The following GLDN variants were observed in gnomAD, a reference collection of about 807,000 sequenced individuals.
GLDN encodes collomin.
A neutral mutation model predicts 56.5 loss-of-function variants in GLDN; 47 were observed. The ratio of observed to expected loss-of-function variants is 0.83; its 90% CI spans 0.66 to 1.06. The LOEUF (loss-of-function observed/expected upper bound fraction) is 1.06. Ranked by LOEUF, GLDN falls within the 50% of genes least tolerant of loss-of-function variation. GLDN has a pLI of 0.00. For missense variants in GLDN, 782 were observed against 714.3 expected (o/e 1.09, Z -1.08); for synonymous variants, 332 against 278.8 (o/e 1.19, Z -1.90).
At chr15:51,391,522 G>T (rs940816219) in intron 4 of GLDN, among the ~76,000 whole-genome samples, 1 of 152,140 alleles carries the variant, frequency 6.6e-6, no homozygotes, top group Admixed American at 6.5e-5. Context: ...CAATGCCCTC[G>T]TTTTTTGTCT....
At chr15:51,397,063 A>G (rs1376367282) in intron 5 of GLDN, among the ~76,000 whole-genome samples, 2 of 152,148 alleles carry the variant, frequency 1.3e-5, no homozygotes, top group Non-Finnish European at 2.9e-5. Context: ...ATGAACCCCA[A>G]TTGAAAAGAC....
intron 4 of GLDN, among the ~76,000 whole-genome samples, chr15:51,391,289 C>G (rs2038014788): frequency 6.6e-6 from 1 of 152,046 alleles, no homozygotes; most frequent in Non-Finnish European, 1.5e-5. Flanking sequence ...CACATATGGC[C>G]TTTCCGAGAA....
intron 4 of GLDN, chr15:51,384,185 G>A (rs2037838095): frequency 1.3e-5 from 5 of 394,994 alleles, no homozygotes; most frequent in Non-Finnish European, 2.3e-5. Flanking sequence ...CCCTGGGAGG[G>A]GCATTCTGTG....
At chr15:51,363,750 G>A (rs1470946626) in intron 1 of GLDN, among the ~76,000 whole-genome samples, 1 of 152,220 alleles carries the variant, frequency 6.6e-6, no homozygotes, top group Non-Finnish European at 1.5e-5. Flanking sequence ...GGATGGGAGA[G>A]GGGAATGCCC....
intron 9 of GLDN, among the ~76,000 whole-genome samples, chr15:51,402,091 C>G (rs2038266657): frequency 6.6e-6 from 1 of 152,178 alleles, no homozygotes; most frequent in Non-Finnish European, 1.5e-5. Flanking sequence ...TGCTGCTGCT[C>G]CCTGATAAAG....
intron 1 of GLDN, among the ~76,000 whole-genome samples, chr15:51,343,523 C>A (rs978981954): frequency 6.6e-6 from 1 of 152,184 alleles, no homozygotes; most frequent in Non-Finnish European, 1.5e-5. Flanking sequence ...CAACCTATTC[C>A]GTCACTAACA....
intron 4 of GLDN, among the ~76,000 whole-genome samples, chr15:51,394,448 A>G (rs1487717646): frequency 6.6e-6 from 1 of 152,162 alleles, no homozygotes; most frequent in Non-Finnish European, 1.5e-5. Context: ...CCCTGTCTCT[A>G]TTTAAAATAC....
chr15:51,389,642 C>T (rs114899798), intron 4 of GLDN, among the ~76,000 whole-genome samples: 1,705 of 152,078 alleles, frequency 0.011, 35 homozygotes, highest in African/African-American at 0.04. Flanking sequence ...AGTAGAGGAG[C>T]GGTGGGAAAG....
rs775233035 is a variant in GLDN, at chr15:51,404,766, C to A, written c.*12C>A. On this transcript the variant is annotated 3_prime_UTR_variant, in exon 10 of 10. Coordinates refer to ENST00000335449, the MANE Select transcript of GLDN (RefSeq NM_181789.4). Reference sequence around the variant, plus strand: ...CCTTAAATCAGTGATGTGCTGCATTCGGCTCCCTTCAGCAAATTTCAGGGG... The same window carrying A: ...CCTTAAATCAGTGATGTGCTGCATTAGGCTCCCTTCAGCAAATTTCAGGGG... The A allele has an allele frequency of 7.2e-7, 1 of 1,390,452 alleles. No homozygotes were observed. Among genetic ancestry groups the A allele is most frequent in the Non-Finnish European group, 1.0e-6 (1 of 990,254 alleles). The allele number at this position is 1,390,452 out of a possible 1,614,324, so 86.1% of individuals were successfully genotyped here.
At chr15:51,363,941 C>G (rs1351313346) in intron 1 of GLDN, among the ~76,000 whole-genome samples, 1 of 152,076 alleles carries the variant, frequency 6.6e-6, no homozygotes, top group African/African-American at 2.4e-5. Context: ...TGCATTGTCT[C>G]CATTGAAGAA....
intron 1 of GLDN, among the ~76,000 whole-genome samples, chr15:51,361,040 C>G (rs2037289829): frequency 6.6e-6 from 1 of 152,196 alleles, no homozygotes; most frequent in Admixed American, 6.5e-5. Flanking sequence ...AGATAAAAAT[C>G]AGAAAGTATC....
At chr15:51,391,701 T>C (rs908056245) in intron 4 of GLDN, among the ~76,000 whole-genome samples, 1 of 152,178 alleles carries the variant, frequency 6.6e-6, no homozygotes, top group African/African-American at 2.4e-5. Context: ...TTTGGTGCTA[T>C]TGTGAGGGAG....
At chr15:51,342,131 C>T in intron 1 of GLDN, 84 bp downstream of exon 1, 1 of 1,163,932 alleles carries the variant, frequency 8.6e-7, no homozygotes, top group Non-Finnish European at 1.1e-6. Context: ...GCCCTCTTCT[C>T]CCCTGGCCAG....
At chr15:51,365,291 A>G (rs886461131) in intron 1 of GLDN, among the ~76,000 whole-genome samples, 2 of 151,886 alleles carry the variant, frequency 1.3e-5, no homozygotes, top group Non-Finnish European at 2.9e-5. Flanking sequence ...AATTTTCTTT[A>G]TTTTTAATTG....
chr15:51,366,362 GTTGCTTGAAC>G (rs1454221364), intron 1 of GLDN, among the ~76,000 whole-genome samples: 1 of 152,226 alleles, frequency 6.6e-6, no homozygotes, highest in Non-Finnish European at 1.5e-5. Context: ...CTGAGTGGCG[GTTGCTTGAAC>G]TGAAGACTGG....
intron 6 of GLDN, 30 bp from the exon 7 acceptor site, chr15:51,400,162 C>T (rs772866267): frequency 3.8e-5 from 60 of 1,595,490 alleles, no homozygotes; most frequent in Middle Eastern, 1.7e-4. Flanking sequence ...CCAACCGTAT[C>T]GGCTCTGATG....
intron 2 of GLDN, among the ~76,000 whole-genome samples, chr15:51,381,928 C>T (rs2037771730): frequency 6.6e-6 from 1 of 152,252 alleles, no homozygotes; most frequent in South Asian, 2.1e-4. Context: ...GCCTAAGAAC[C>T]TCCCATGGCT....
At chr15:51,383,304 C>G in intron 2 of GLDN, 132 bp from the exon 3 acceptor site, 1 of 943,782 alleles carries the variant, frequency 1.1e-6, no homozygotes, top group Non-Finnish European at 1.6e-6. Context: ...CCAAATATAA[C>G]GAGTTCTAAA....
chr15:51,365,554 T>C (rs1163616200), intron 1 of GLDN, among the ~76,000 whole-genome samples: 1 of 152,214 alleles, frequency 6.6e-6, no homozygotes, highest in African/African-American at 2.4e-5. Context: ...TATTCCCATT[T>C]TACAGACAGG....
Sources: gnomAD v4.1 joint callset for allele counts (sites outside exome capture counted in the v4.1 genomes callset) on GRCh38, gnomAD v4.1.1 for gene constraint, MANE v1.5 for transcripts, NCBI Gene and HGNC (gene_info 2026-07-23, HGNC 2026-07-21) for gene names.